Variants in NOVA2 observed in about 807,000 individuals in gnomAD.
NOVA2 encodes NOVA alternative splicing regulator 2, also known as RNA-binding protein Nova-2.
NOVA2 carries 9 observed loss-of-function variants against 22.5 expected under a neutral mutation model. The observed-to-expected ratio is 0.40, with a 90% confidence interval of 0.24 to 0.70. The LOEUF is 0.70. NOVA2 is among the 30% of genes least tolerant of loss of function. The pLI, the probability that NOVA2 is intolerant of heterozygous loss-of-function variation, is 0.38. For synonymous variants in NOVA2, 318 were observed against 335.2 expected, an observed-to-expected ratio of 0.95 and a Z score of 0.56; for missense variants, 383 against 682.8, an observed-to-expected ratio of 0.56 and a Z score of 4.89.
chr19:45,952,376 G>A (rs1171095959), intron 3 of NOVA2, among the ~76,000 whole-genome samples: 2 of 152,186 alleles, frequency 1.3e-5, no homozygotes, highest in East Asian at 3.9e-4. Context: ...ACTGTACGGA[G>A]AAGGATTCAA....
At chr19:45,952,736 C>A (rs1225166555) in intron 3 of NOVA2, among the ~76,000 whole-genome samples, 1 of 152,214 alleles carries the variant, frequency 6.6e-6, no homozygotes, top group Non-Finnish European at 1.5e-5. Context: ...GGAGCTTCAG[C>A]ACCAAGGACA....
At position 45,938,009 on chromosome 19, in the gene NOVA2, C is replaced by T. The variant is rs181022048; in HGVS notation, c.*1854G>A. The T allele has an allele frequency of 9.9e-5, 15 of 151,994 alleles. No homozygotes were observed. Among genetic ancestry groups the T allele is most frequent in the South Asian group, 2.1e-4 (1 of 4,814 alleles). The allele number at this position is 151,994 out of a possible 1,614,324, so 9.4% of individuals were successfully genotyped here. The stretch of plus-strand genomic sequence containing the variant: ...AAAAGGGTTTGGAAGACCTAGGAGG[C>T]GGACAAATGGGGGAGAGGGTGGGCA... On this transcript the variant is annotated 3_prime_UTR_variant, in exon 4 of 4. Transcript: ENST00000263257.
chr19:45,958,438 GC>G, intron 2 of NOVA2, among the ~76,000 whole-genome samples: 1 of 151,294 alleles, frequency 6.6e-6, no homozygotes, highest in South Asian at 2.1e-4. Context: ...GAGTGTGAGA[GC>G]ACGTGTGACA....
rs189548389 is a variant in NOVA2, at chr19:45,951,908, T to C, written c.396+1872A>G. Among the ~76,000 whole-genome samples, 513 of 152,366 alleles carry C rather than the reference T, an allele frequency of 3.4e-3. 4 individuals carry two copies. The highest frequency in any genetic ancestry group is 0.012 in the African/African-American group (481 of 41,596). Reference sequence around the variant, plus strand: ...GGAAGATGTGGTAGCACTATGTTCATGTTCCCAAAGTGCAATAATTCGGTG... The same window carrying C: ...GGAAGATGTGGTAGCACTATGTTCACGTTCCCAAAGTGCAATAATTCGGTG... On this transcript the variant is annotated intron_variant, in intron 3 of 3. Coordinates refer to ENST00000263257, the MANE Select transcript of NOVA2 (RefSeq NM_002516.4).
chr19:45,965,451 G>A (rs977948511), intron 1 of NOVA2, among the ~76,000 whole-genome samples: 1 of 152,132 alleles, frequency 6.6e-6, no homozygotes, highest in Admixed American at 6.5e-5. Flanking sequence ...GTTTATGGTC[G>A]AGCGCAGTGG....
chr19:45,944,642 C>T (rs193227743), intron 3 of NOVA2, among the ~76,000 whole-genome samples: 172 of 152,220 alleles, frequency 1.1e-3, no homozygotes, highest in Admixed American at 2.6e-3. Context: ...CATGCTATAG[C>T]GTGGATGAAT....
chr19:45,945,394 G>A (rs1298331285), intron 3 of NOVA2, among the ~76,000 whole-genome samples: 1 of 152,192 alleles, frequency 6.6e-6, no homozygotes, highest in Non-Finnish European at 1.5e-5. Context: ...ACAACTATGT[G>A]ACTATAATAA....
Position 45,973,364 on chromosome 19 carries a change from G to C in NOVA2, c.-13C>G. The C allele has an allele frequency of 1.0e-6, 1 of 985,290 alleles. No homozygotes were observed. The highest frequency in any genetic ancestry group is 1.3e-6 in the Non-Finnish European group (1 of 766,992). The allele number at this position is 985,290 out of a possible 1,614,324, so 61.0% of individuals were successfully genotyped here. A position where few individuals can be genotyped will look rare whatever the true frequency, so the allele number is the denominator to read the frequency against. The stretch of plus-strand genomic sequence containing the variant: ...CCTCGGGCTCCATGGGGGGGGCCTG[G>C]GGCGGCGGCTGCTGCTGCTGCGGCG... On this transcript the variant is annotated 5_prime_UTR_variant, in exon 1 of 4. Transcript: ENST00000263257.
intron 1 of NOVA2, among the ~76,000 whole-genome samples, chr19:45,971,489 C>T (rs1214590480): frequency 6.6e-6 from 1 of 152,100 alleles, no homozygotes; most frequent in African/African-American, 2.4e-5. Context: ...CTCCCATCCC[C>T]TCCCCCAACT....
Position 45,940,916 on chromosome 19 carries a change from C to A in NOVA2, c.426G>T (p.Ala142=). ...CGCCTCCCTTGCCGATGATCAGGCC[C>A]GCCGTGCTGTTGGGGACGATCAGCT... ...QAKLIVPNST[A]GLIIGKGGAT... The change falls in exon 4 of 4, where the codon GCG becomes GCT. Residue 142 remains alanine (A), a synonymous_variant. Coordinates refer to ENST00000263257, the MANE Select transcript of NOVA2 (RefSeq NM_002516.4). 1 of 1,604,584 alleles carries A rather than the reference C, an allele frequency of 6.2e-7. No homozygotes were observed.
In NOVA2 at chr19:45,949,307, C is replaced by T. The variant is rs1286160077; in HGVS notation, c.396+4473G>A. Among the ~76,000 whole-genome samples the T allele has an allele frequency of 2.4e-5, 3 of 126,378 alleles. No homozygotes were observed. The Admixed American group carries it at 2.7e-4, about 12-fold the overall frequency. The allele number at this position is 126,378 out of a possible 152,430, so 82.9% of individuals were successfully genotyped here. A position where few individuals can be genotyped will look rare whatever the true frequency, so the allele number is the denominator to read the frequency against. The stretch of plus-strand genomic sequence containing the variant: ...TTACAGTATGTGAATTATAGCTCAA[C>T]AGAGCTGTTATTTCAAAAAAAAAAA... On this transcript the variant is annotated intron_variant, in intron 3 of 3. Coordinates refer to ENST00000263257, the MANE Select transcript of NOVA2 (RefSeq NM_002516.4).
intron 1 of NOVA2, among the ~76,000 whole-genome samples, chr19:45,963,274 G>C (rs1600617181): frequency 6.6e-6 from 1 of 151,414 alleles, no homozygotes; most frequent in East Asian, 2.0e-4. Context: ...AGCTACTCGG[G>C]AGGCTGAGGC....
chr19:45,965,190 A>G (rs117800240), intron 1 of NOVA2, among the ~76,000 whole-genome samples: 192 of 152,242 alleles, frequency 1.3e-3, no homozygotes, highest in Admixed American at 5.5e-3. Context: ...GCTCAGAAAG[A>G]TGGGGAGGGA....
chr19:45,944,451 CAAAACAA>C (rs963861318), intron 3 of NOVA2, among the ~76,000 whole-genome samples: 2 of 151,834 alleles, frequency 1.3e-5, no homozygotes, highest in Non-Finnish European at 2.9e-5. Context: ...AAAAACAAAA[CAAAACAA>C]AAAACAAAAA....
rs1968089699 is a variant in NOVA2 at position 45,961,107 on chromosome 19, C to T, written c.132G>A (p.Ala44=). ...FLKVLIPSYA[A]GSIIGKGGQT... ...GCCCGCCCTTGCCAATGATGGAGCC[C>T]GCCGCGTAGCTGGGGATCAGCACCT... The change falls in exon 2 of 4, where the codon GCG becomes GCA. Residue 44 remains alanine, a synonymous_variant. Coordinates refer to ENST00000263257, the MANE Select transcript of NOVA2 (RefSeq NM_002516.4). 6.3e-7 allele frequency: 1 copy of T among 1,594,894 alleles called. No homozygotes were observed. The highest frequency in any genetic ancestry group is 1.1e-5 in the South Asian group (1 of 87,616).
At chr19:45,965,218 G>A (rs967733497) in intron 1 of NOVA2, among the ~76,000 whole-genome samples, 1 of 152,116 alleles carries the variant, frequency 6.6e-6, no homozygotes, top group African/African-American at 2.4e-5. Context: ...CTAATCCCTA[G>A]GACTCCGTCC....
intron 3 of NOVA2, 125 bp downstream of exon 3, chr19:45,953,655 C>CT: frequency 8.2e-7 from 1 of 1,212,624 alleles, no homozygotes; most frequent in Non-Finnish European, 1.2e-6. Flanking sequence ...ACCATGTGGT[C>CT]TTTGACTGAT....
intron 1 of NOVA2, among the ~76,000 whole-genome samples, chr19:45,972,996 C>T (rs1339922390): frequency 6.6e-6 from 1 of 151,664 alleles, no homozygotes; most frequent in Admixed American, 6.6e-5. Flanking sequence ...CTGAGGCTCC[C>T]ACGCCCCCCA....
In NOVA2 at chr19:45,936,666, T is replaced by G; in HGVS notation, c.*3197A>C. 1 of 147,446 alleles carries G rather than the reference T, an allele frequency of 6.8e-6. No homozygotes were observed. Among genetic ancestry groups the G allele is most frequent in the African/African-American group, 2.5e-5 (1 of 39,704 alleles). The allele number at this position is 147,446 out of a possible 1,614,324, so 9.1% of individuals were successfully genotyped here. A position where few individuals can be genotyped will look rare whatever the true frequency, so the allele number is the denominator to read the frequency against. On this transcript the variant is annotated 3_prime_UTR_variant, in exon 4 of 4. Coordinates refer to ENST00000263257, the MANE Select transcript of NOVA2 (RefSeq NM_002516.4). ...AAGATAGAGACAGGACAGAAAACAA[T>G]GGGAACCACACGGAGGAAAAAAAAA...
Sources: allele counts gnomAD v4.1 joint callset (sites outside exome capture counted in the v4.1 genomes callset), GRCh38; gene constraint gnomAD v4.1.1; transcripts MANE v1.5; gene names NCBI Gene and HGNC (gene_info 2026-07-23, HGNC 2026-07-21).